Variants in CERS3 observed in about 807,000 individuals in gnomAD.
CERS3 encodes the protein ceramide synthase 3.
CERS3 carries 33 observed loss-of-function variants against 50.3 expected under a neutral mutation model. The ratio of observed to expected loss-of-function variants is 0.66; its 90% CI spans 0.50 to 0.88. The LOEUF is 0.88. Ranked by LOEUF, CERS3 falls within the 40% of genes least tolerant of loss-of-function variation. CERS3 has a pLI of 0.00. For missense variants in CERS3, 470 were observed against 460.3 expected, an observed-to-expected ratio of 1.02 and a Z score of -0.19; for synonymous variants, 176 against 155.2, an observed-to-expected ratio of 1.13 and a Z score of -0.99.
At chr15:100,403,304 A>G (rs1008335333) in intron 11 of CERS3, among the ~76,000 whole-genome samples, 8 of 152,190 alleles carry the variant, frequency 5.3e-5, no homozygotes, top group Non-Finnish European at 1.0e-4. Context: ...TTTATATTCA[A>G]TAAGAAAAAA....
At chr15:100,496,142 G>T (rs1008563298) in intron 3 of CERS3, among the ~76,000 whole-genome samples, 11 of 152,136 alleles carry the variant, frequency 7.2e-5, no homozygotes, top group Non-Finnish European at 1.2e-4. Flanking sequence ...CTATTGTAGG[G>T]ATATACACTA....
chr15:100,427,654 G>A (rs769436337), intron 11 of CERS3, among the ~76,000 whole-genome samples: 4 of 152,194 alleles, frequency 2.6e-5, no homozygotes, highest in Non-Finnish European at 4.4e-5. Flanking sequence ...AATCTCTCGG[G>A]TACGATGAAG....
intron 1 of CERS3, among the ~76,000 whole-genome samples, chr15:100,543,746 T>C (rs2037262095): frequency 1.3e-5 from 2 of 152,140 alleles, no homozygotes; most frequent in Admixed American, 6.5e-5. Context: ...GCCAGGCTAG[T>C]TTCAAACTCT....
intron 11 of CERS3, among the ~76,000 whole-genome samples, chr15:100,426,284 A>G (rs910031071): frequency 6.6e-6 from 1 of 152,250 alleles, no homozygotes; most frequent in Admixed American, 6.5e-5. Flanking sequence ...ATTTATGGAG[A>G]AATTCACACA....
In CERS3 at chr15:100,467,998, C is replaced by T. The variant is rs182101690; in HGVS notation, c.845+1380G>A. Among the ~76,000 whole-genome samples, 646 of 151,720 alleles carry T rather than the reference C, an allele frequency of 4.3e-3. 8 individuals carry two copies. The highest frequency in any genetic ancestry group is 0.015 in the African/African-American group (601 of 41,366). ...ACCTCAGGCTCCTGAGTAGCTGGGACTATAGGCATGCACCACCATGCCCAG... is the reference window on the plus strand; with the variant it reads ...ACCTCAGGCTCCTGAGTAGCTGGGATTATAGGCATGCACCACCATGCCCAG... On this transcript the variant is annotated intron_variant, in intron 10 of 11. Transcript: ENST00000679737.
chr15:100,497,051 A>C (rs1305084229), intron 3 of CERS3, among the ~76,000 whole-genome samples: 3 of 152,218 alleles, frequency 2.0e-5, no homozygotes, highest in Admixed American at 2.0e-4. Flanking sequence ...TTAAAAAAGA[A>C]GAAAGAAAAG....
chr15:100,528,284 G>A (rs1330240271), intron 1 of CERS3, among the ~76,000 whole-genome samples: 3 of 152,158 alleles, frequency 2.0e-5, no homozygotes, highest in African/African-American at 4.8e-5. Context: ...GCTTAGGAAG[G>A]CCTGCCACTG....
intron 11 of CERS3, among the ~76,000 whole-genome samples, chr15:100,444,691 G>A (rs1215786342): frequency 2.0e-5 from 3 of 152,128 alleles, no homozygotes; most frequent in African/African-American, 7.2e-5. Flanking sequence ...TACACATCAA[G>A]CTCAGGGATT....
intron 10 of CERS3, among the ~76,000 whole-genome samples, chr15:100,467,867 A>AT (rs1293871492): frequency 2.3e-5 from 1 of 42,576 alleles, no homozygotes; most frequent in African/African-American, 6.0e-5. Context: ...AGATAGATAG[A>AT]TAGATAGATA....
intron 11 of CERS3, among the ~76,000 whole-genome samples, chr15:100,407,413 AGGCTAG>A (rs1266017873): frequency 6.6e-6 from 1 of 152,254 alleles, no homozygotes; most frequent in African/African-American, 2.4e-5. Context: ...TAGGGAGCAA[AGGCTAG>A]GGATGCTGGC....
chr15:100,537,895 CT>C lies in CERS3; in HGVS notation c.-355+6755del, dbSNP rs1332444208. 2.4e-4 allele frequency among the ~76,000 whole-genome samples: 37 copies of C among 152,278 alleles called. 1 individual carries two copies. The highest frequency in any genetic ancestry group is 8.9e-4 in the African/African-American group (37 of 41,550). On this transcript the variant is annotated intron_variant, in intron 1 of 12. Coordinates refer to the CERS3 transcript ENST00000284382. ...GTTTCATCTGAGACAAGGCAAGTCC[CT>C]TCCATCTATGAGCCTGTAAAATCAA... is the stretch of plus-strand genomic sequence containing the variant.
At chr15:100,405,246 A>AC (rs1180060387) in intron 11 of CERS3, among the ~76,000 whole-genome samples, 3 of 39,500 alleles carry the variant, frequency 7.6e-5, no homozygotes, top group Middle Eastern at 0.017. Context: ...AAAAAAAAAA[A>AC]AACAAAAAAA....
intron 11 of CERS3, among the ~76,000 whole-genome samples, chr15:100,438,385 G>A (rs2033527202): frequency 6.6e-6 from 1 of 151,920 alleles, no homozygotes; most frequent in African/African-American, 2.4e-5. Context: ...ATTTTTGTGG[G>A]TACCCAGTAG....
Position 100,519,993 on chromosome 15 carries a change from C to G in CERS3, c.-2+1674G>C, listed in dbSNP as rs927640121. Among the ~76,000 whole-genome samples the G allele has an allele frequency of 2.0e-5, 3 of 152,276 alleles. No individual in the cohort carries two copies. The East Asian group carries it at 5.8e-4, about 29-fold the overall frequency. ...CCCTTGGGTGAGGAGTCCATAGGTTCAAGGAGACATGTACACCCACATCCA... is the reference window on the plus strand; with the variant it reads ...CCCTTGGGTGAGGAGTCCATAGGTTGAAGGAGACATGTACACCCACATCCA... On this transcript the variant is annotated intron_variant, in intron 2 of 11. Coordinates refer to ENST00000679737, the MANE Select transcript of CERS3 (RefSeq NM_001378789.1).
chr15:100,469,336 T>G (rs1479787266), intron 10 of CERS3, 42 bp downstream of exon 10: 2 of 1,511,574 alleles, frequency 1.3e-6, no homozygotes, highest in African/African-American at 1.4e-5. Context: ...AGGCCACCTC[T>G]GCACACTGAC....
At chr15:100,471,499 G>A (rs1182645008) in intron 9 of CERS3, among the ~76,000 whole-genome samples, 1 of 152,052 alleles carries the variant, frequency 6.6e-6, no homozygotes, top group Non-Finnish European at 1.5e-5. Flanking sequence ...TTTTACATTG[G>A]ACACACACCA....
At chr15:100,460,114 T>C (rs1176865076) in intron 10 of CERS3, among the ~76,000 whole-genome samples, 2 of 152,222 alleles carry the variant, frequency 1.3e-5, no homozygotes, top group Non-Finnish European at 2.9e-5. Flanking sequence ...TTAAATCAAA[T>C]CTGTCAATTG....
chr15:100,463,349 C>G (rs974715402), intron 10 of CERS3, among the ~76,000 whole-genome samples: 14 of 143,868 alleles, frequency 9.7e-5, no homozygotes, highest in East Asian at 8.9e-4. Flanking sequence ...GCAGGAGAAT[C>G]GCTTGAACCC....
At chr15:100,496,467 T>C (rs2035817721) in intron 3 of CERS3, among the ~76,000 whole-genome samples, 1 of 152,176 alleles carries the variant, frequency 6.6e-6, no homozygotes, top group Admixed American at 6.5e-5. Context: ...AAGGAAATAT[T>C]AGAAAATACA....
Sources: gnomAD v4.1 joint callset for allele counts (sites outside exome capture counted in the v4.1 genomes callset) on GRCh38, gnomAD v4.1.1 for gene constraint, MANE v1.5 for transcripts, NCBI Gene and HGNC (gene_info 2026-07-23, HGNC 2026-07-21) for gene names.